Variants in ARID2 observed in about 807,000 individuals in gnomAD.
ARID2 encodes AT-rich interaction domain 2, also known as AT-rich interactive domain-containing protein 2.
Under a neutral mutation model 184.6 loss-of-function variants are expected in ARID2, and 32 were observed. That is an observed-to-expected ratio of 0.17 (90% CI 0.13 to 0.23). The LOEUF (loss-of-function observed/expected upper bound fraction) is 0.23. Among genes scored for constraint, ARID2 ranks in the 10% least tolerant of loss-of-function variants. The pLI is 1.00. For synonymous variants in ARID2, 836 were observed against 772.6 expected (o/e 1.08, Z -1.36); for missense variants, 1,696 against 2,197.6 (o/e 0.77, Z 4.56).
At chr12:45,861,580 C>CTTTTTT (rs11303020) in intron 16 of ARID2, among the ~76,000 whole-genome samples, 9 of 96,972 alleles carry the variant, frequency 9.3e-5, no homozygotes, top group Non-Finnish European at 1.2e-4. Flanking sequence ...AGGCATTTGT[C>CTTTTTT]TTTTTTTTTT....
In ARID2 at chr12:45,905,940, C is replaced by CT. The variant is rs1362533296; in HGVS notation, c.*873dup. 14,105 of 171,744 alleles carry CT rather than the reference C, an allele frequency of 0.082. 1,308 individuals carry two copies. The highest frequency in any genetic ancestry group is 0.3 in the African/African-American group (10,730 of 35,986). 10.6% of individuals were successfully genotyped at this position (171,744 alleles called of 1,614,324 possible). ...GAACTGTGATTTTTTTTTCTTTTTTCTTTTTTTTTTTCTTTTTTTTTTTGT... is the reference window on the plus strand; with the variant it reads ...GAACTGTGATTTTTTTTTCTTTTTTCTTTTTTTTTTTTCTTTTTTTTTTTGT... On this transcript the variant is annotated 3_prime_UTR_variant, in exon 21 of 21. Transcript: ENST00000334344.
chr12:45,785,192 A>G (rs1351060233), intron 3 of ARID2, among the ~76,000 whole-genome samples: 1 of 152,212 alleles, frequency 6.6e-6, no homozygotes, highest in Non-Finnish European at 1.5e-5. Context: ...AGACAGGAGC[A>G]CAGAGTGCCC....
intron 20 of ARID2, chr12:45,893,957 TACTG>T (rs1592145693): frequency 1.9e-5 from 6 of 314,720 alleles, no homozygotes; most frequent in South Asian, 8.7e-5. Context: ...TAATTTGTCT[TACTG>T]ACCATATAAT....
intron 3 of ARID2, among the ~76,000 whole-genome samples, chr12:45,738,195 C>T (rs1283314994): frequency 6.6e-6 from 1 of 151,890 alleles, no homozygotes; most frequent in Non-Finnish European, 1.5e-5. Flanking sequence ...CCTGGTATTT[C>T]GTAGTAGAGT....
chr12:45,854,770 T>A (rs1943614817), intron 15 of ARID2, among the ~76,000 whole-genome samples: 1 of 152,224 alleles, frequency 6.6e-6, no homozygotes, highest in South Asian at 2.1e-4. Flanking sequence ...GTCAGTAATA[T>A]CACAATTACA....
At chr12:45,854,345 G>A (rs1051736576) in intron 15 of ARID2, among the ~76,000 whole-genome samples, 4 of 152,068 alleles carry the variant, frequency 2.6e-5, no homozygotes, top group Non-Finnish European at 5.9e-5. Flanking sequence ...CTCACTCCCT[G>A]GTCTGTGGAA....
intron 16 of ARID2, among the ~76,000 whole-genome samples, chr12:45,884,684 G>A (rs1944159629): frequency 6.6e-6 from 1 of 152,196 alleles, no homozygotes; most frequent in African/African-American, 2.4e-5. Flanking sequence ...TAGGAGGAAA[G>A]GAAAGGAGTC....
intron 20 of ARID2, among the ~76,000 whole-genome samples, chr12:45,894,610 T>TG (rs1164501163): frequency 1.3e-5 from 2 of 152,204 alleles, no homozygotes; most frequent in Non-Finnish European, 2.9e-5. Context: ...TTTCTCTAAG[T>TG]GGAAGGTGAA....
At chr12:45,873,509 T>C (rs1943958857) in intron 16 of ARID2, among the ~76,000 whole-genome samples, 1 of 152,214 alleles carries the variant, frequency 6.6e-6, no homozygotes, top group South Asian at 2.1e-4. Context: ...CTTTTTCATT[T>C]GTGGTTATTT....
At chr12:45,896,849 T>C (rs1944374891) in intron 20 of ARID2, among the ~76,000 whole-genome samples, 1 of 152,338 alleles carries the variant, frequency 6.6e-6, no homozygotes, top group East Asian at 1.9e-4. Flanking sequence ...GGGATGTTTT[T>C]CTTTTCATTT....
chr12:45,804,593 A>G (rs974809533), intron 3 of ARID2, among the ~76,000 whole-genome samples: 1 of 151,990 alleles, frequency 6.6e-6, no homozygotes, highest in South Asian at 2.1e-4. Flanking sequence ...ATAGCTTCCA[A>G]TCTTTTTCTA....
chr12:45,733,689 T>C (rs1036278542), intron 3 of ARID2, among the ~76,000 whole-genome samples: 1 of 152,232 alleles, frequency 6.6e-6, no homozygotes, highest in Non-Finnish European at 1.5e-5. Flanking sequence ...TGATATATCT[T>C]CATAATATTA....
intron 3 of ARID2, among the ~76,000 whole-genome samples, chr12:45,741,586 C>A (rs1431855625): frequency 1.4e-5 from 2 of 147,548 alleles, no homozygotes; most frequent in Non-Finnish European, 3.1e-5. Context: ...TGGTTAAAAT[C>A]TATCATTGTT....
intron 3 of ARID2, among the ~76,000 whole-genome samples, chr12:45,808,358 A>T (rs7975408): frequency 0.086 from 13,060 of 152,196 alleles, 1,923 homozygotes; most frequent in African/African-American, 0.3. Context: ...TCTCAGTTGG[A>T]AATATTTAAT....
intron 20 of ARID2, 53 bp from the exon 21 acceptor site, chr12:45,904,877 TAAAG>T (rs1944503661): frequency 6.9e-6 from 11 of 1,587,980 alleles, no homozygotes; most frequent in Non-Finnish European, 9.4e-6. Context: ...AAATTCATGA[TAAAG>T]AGTCATCGCT....
intron 16 of ARID2, among the ~76,000 whole-genome samples, chr12:45,890,784 A>G (rs1944289534): frequency 1.3e-5 from 2 of 152,138 alleles, no homozygotes; most frequent in South Asian, 4.1e-4. Context: ...GATATTTGTT[A>G]CACGTTAAAA....
rs911036560 is a variant in ARID2 at position 45,905,283 on chromosome 12, G to GA, written c.*217dup. 0.028 allele frequency: 9,429 copies of GA among 339,312 alleles called. No individual in the cohort carries two copies. Among genetic ancestry groups the GA allele is most frequent in the South Asian group, 0.038 (547 of 14,478 alleles). 21.0% of individuals were successfully genotyped at this position (339,312 alleles called of 1,614,324 possible). On this transcript the variant is annotated 3_prime_UTR_variant, in exon 21 of 21. Transcript: ENST00000334344. Reference sequence around the variant, plus strand: ...TTTAAAAAAATCTAAAAAGAAAAAGGAAAAAAAAAAAAGAACTGCTGTGGG... The same window carrying GA: ...TTTAAAAAAATCTAAAAAGAAAAAGGAAAAAAAAAAAAAGAACTGCTGTGGG...
At chr12:45,825,870 GAA>G (rs370951452) in intron 6 of ARID2, among the ~76,000 whole-genome samples, 4 of 145,906 alleles carry the variant, frequency 2.7e-5, no homozygotes, top group Admixed American at 1.4e-4. Context: ...TCTTTAAGGG[GAA>G]AAAAAAAAGA....
rs745728311 is a variant in ARID2, at chr12:45,852,668, A to T, written c.4545A>T (p.Val1515=). Residue 1515 remains valine, a synonymous_variant, in exon 15 of 21, where the codon GTA becomes GTT. Transcript: ENST00000334344. ...ATGGCACAGCAGAATGCAAAACTGT[A>T]AAGAGGCCAGCAGAGGATACTGATA... is the stretch of plus-strand genomic sequence containing the variant. ...STNGTAECKT[V]KRPAEDTDRE... 3 of 1,614,068 alleles carry T rather than the reference A, an allele frequency of 1.9e-6. No individual in the cohort carries two copies. Among genetic ancestry groups the T allele is most frequent in the African/African-American group, 2.7e-5 (2 of 74,936 alleles).
Sources: allele counts gnomAD v4.1 joint callset (sites outside exome capture counted in the v4.1 genomes callset), GRCh38; gene constraint gnomAD v4.1.1; transcripts MANE v1.5; gene names NCBI Gene and HGNC (gene_info 2026-07-23, HGNC 2026-07-21).